ACIN1: variants seen among roughly 807,000 people sequenced by gnomAD.
The protein encoded by ACIN1 is apoptotic chromatin condensation inducer in the nucleus.
ACIN1 carries 16 observed loss-of-function variants against 146.6 expected under a neutral mutation model. The observed-to-expected ratio is 0.11, with a 90% confidence interval of 0.07 to 0.17. The LOEUF (loss-of-function observed/expected upper bound fraction) is 0.17, where lower values mean the gene tolerates loss of function less well. Ranked by LOEUF, ACIN1 falls within the 10% of genes least tolerant of loss-of-function variation. The pLI is 1.00. For missense variants in ACIN1, 1,357 were observed against 1,609.3 expected, an observed-to-expected ratio of 0.84 and a Z score of 2.68; for synonymous variants, 569 against 582.7, an observed-to-expected ratio of 0.98 and a Z score of 0.34.
intron 3 of ACIN1, 29 bp downstream of exon 3, chr14:23,090,493 C>A: frequency 6.3e-7 from 1 of 1,596,522 alleles, no homozygotes; most frequent in Non-Finnish European, 8.6e-7. Flanking sequence ...ATGACGAACT[C>A]CTTGTTAAAA....
At chr14:23,086,226 A>G (rs919165380) in intron 4 of ACIN1, among the ~76,000 whole-genome samples, 3 of 152,266 alleles carry the variant, frequency 2.0e-5, no homozygotes, top group African/African-American at 7.2e-5. Flanking sequence ...TTCCGCATCC[A>G]GGTTTTAATA....
intron 4 of ACIN1, among the ~76,000 whole-genome samples, chr14:23,082,252 T>C (rs2047962809): frequency 6.6e-6 from 1 of 152,200 alleles, no homozygotes; most frequent in Non-Finnish European, 1.5e-5. Flanking sequence ...CTATTACTAC[T>C]ACTTTCTAAT....
In ACIN1 at chr14:23,058,688, G is replaced by C. The variant is rs1230021895; in HGVS notation, c.*460C>G. 1 of 170,860 alleles carries C rather than the reference G, an allele frequency of 5.9e-6. No individual in the cohort carries two copies. The highest frequency in any genetic ancestry group is 6.0e-5 in the Admixed American group (1 of 16,796). The allele number at this position is 170,860 out of a possible 1,614,324, so 10.6% of individuals were successfully genotyped here. On this transcript the variant is annotated 3_prime_UTR_variant, in exon 19 of 19. Transcript: ENST00000605057. Reference sequence around the variant, plus strand: ...ATAAAGTGGAACCTGTGGGAAAGAGGCAAGGGCTGCAGGACAGAAGAGACT... The same window carrying C: ...ATAAAGTGGAACCTGTGGGAAAGAGCCAAGGGCTGCAGGACAGAAGAGACT...
Position 23,078,893 on chromosome 14 carries a change from G to T in ACIN1, c.1934C>A (p.Ser645Tyr). Residue 645 changes from serine (S) to tyrosine (Y), a missense_variant, in exon 7 of 19, where the codon TCT becomes TAT. Coordinates refer to ENST00000605057, the MANE Select transcript of ACIN1 (RefSeq NM_001386863.1). ...PKERTSTSSS[S>Y]VQARRLSQPE... ...CTGACTCAGACGCCTTGCTTGGACA[G>T]AGGATGAGGAGGTGGAAGTCCTCTC... The T allele has an allele frequency of 6.2e-7, 1 of 1,614,074 alleles. No individual in the cohort carries two copies. The highest frequency in any genetic ancestry group is 8.5e-7 in the Non-Finnish European group (1 of 1,180,030).
intron 8 of ACIN1, among the ~76,000 whole-genome samples, chr14:23,073,993 TA>T (rs1395381595): frequency 6.6e-6 from 1 of 151,390 alleles, no homozygotes; most frequent in Non-Finnish European, 1.5e-5. Context: ...CACCCTCCAT[TA>T]CACCCGGCTA....
At chr14:23,076,661 G>A (rs570875771) in intron 8 of ACIN1, 4 of 152,270 alleles carry the variant, frequency 2.6e-5, no homozygotes, top group East Asian at 1.9e-4. Context: ...AAGGTGCATC[G>A]GAAGCAGTTC....
Position 23,058,784 on chromosome 14 carries a change from C to G in ACIN1, c.*364G>C. ...CTCATAGGTGACCCAGTCCTGGCCCCGGCTGTTCCCAAGAGAAGGCTGTAA... is the reference window on the plus strand; with the variant it reads ...CTCATAGGTGACCCAGTCCTGGCCCGGGCTGTTCCCAAGAGAAGGCTGTAA... On this transcript the variant is annotated 3_prime_UTR_variant, in exon 19 of 19. Coordinates refer to ENST00000605057, the MANE Select transcript of ACIN1 (RefSeq NM_001386863.1). 1 of 291,410 alleles carries G rather than the reference C, an allele frequency of 3.4e-6. No homozygotes were observed. The highest frequency in any genetic ancestry group is 6.5e-6 in the Non-Finnish European group (1 of 153,830). The allele number at this position is 291,410 out of a possible 1,614,324, so 18.1% of individuals were successfully genotyped here.
intron 1 of ACIN1, among the ~76,000 whole-genome samples, chr14:23,093,946 G>A (rs1235889734): frequency 6.6e-6 from 1 of 152,018 alleles, no homozygotes; most frequent in African/African-American, 2.4e-5. Flanking sequence ...TTTGCCTGAC[G>A]GAATTACTTG....
At position 23,090,679 on chromosome 14, in the gene ACIN1, G is replaced by C. The variant is rs182924716; in HGVS notation, c.205-46C>G. The C allele has an allele frequency of 5.5e-6, 8 of 1,464,404 alleles. No homozygotes were observed. In the Admixed American group the frequency reaches 1.2e-4, roughly 23 times the overall value. The allele number at this position is 1,464,404 out of a possible 1,614,324, so 90.7% of individuals were successfully genotyped here. ...CAGAGGGTCTAGGAAAACAAACCAG[G>C]AGAATGCAAAGAAGAACATTCCATG... On this transcript the variant is annotated intron_variant, in intron 2 of 18. Transcript: ENST00000605057.
At chr14:23,073,212 C>T (rs1031122979) in intron 8 of ACIN1, among the ~76,000 whole-genome samples, 2 of 152,174 alleles carry the variant, frequency 1.3e-5, no homozygotes, top group Non-Finnish European at 2.9e-5. Context: ...CTTTATCTGC[C>T]CCCCATCTCT....
At chr14:23,066,135 CAGAG>C (rs2047448554) in intron 9 of ACIN1, 127 bp from the exon 10 acceptor site, 2 of 699,188 alleles carry the variant, frequency 2.9e-6, no homozygotes, top group African/African-American at 1.8e-5. Context: ...GAGAGAGAGA[CAGAG>C]AGAGACACAG....
rs2047520475 is a variant in ACIN1 at position 23,068,294 on chromosome 14, A to C, written c.2265+1182T>G. The stretch of plus-strand genomic sequence containing the variant: ...GGATCCCAACAGTCTGTAGCAAACA[A>C]GGCAACCCACAGTCCTCAAAAGGGC... On this transcript the variant is annotated intron_variant, in intron 9 of 18. Coordinates refer to ENST00000605057, the MANE Select transcript of ACIN1 (RefSeq NM_001386863.1). This position sits in a 1 kb window ranked among gnomAD's most constrained non-coding sequence, Gnocchi z 4.3. 1 of 985,840 alleles carries C rather than the reference A, an allele frequency of 1.0e-6. No individual in the cohort carries two copies. The highest frequency in any genetic ancestry group is 6.1e-5 in the Admixed American group (1 of 16,274). 61.1% of individuals were successfully genotyped at this position (985,840 alleles called of 1,614,324 possible).
intron 14 of ACIN1, 138 bp downstream of exon 14, chr14:23,062,791 A>G: frequency 9.0e-7 from 1 of 1,111,956 alleles, no homozygotes; most frequent in Non-Finnish European, 1.3e-6. Context: ...TAAATATGTT[A>G]AGTAACTCAC....
intron 16 of ACIN1, 82 bp downstream of exon 16, chr14:23,062,086 G>A: frequency 8.6e-7 from 1 of 1,156,260 alleles, no homozygotes; most frequent in Non-Finnish European, 1.3e-6. Context: ...GAGACTGCAG[G>A]TCTGGCAAGG....
intron 8 of ACIN1, among the ~76,000 whole-genome samples, chr14:23,072,715 T>C (rs999689596): frequency 6.6e-6 from 1 of 152,204 alleles, no homozygotes; most frequent in Admixed American, 6.5e-5. Context: ...AATGAAATTT[T>C]CTCCCCGCTG....
intron 4 of ACIN1, among the ~76,000 whole-genome samples, chr14:23,088,566 C>T (rs1015151504): frequency 1.3e-5 from 2 of 152,150 alleles, no homozygotes; most frequent in East Asian, 1.9e-4. Context: ...CAAGTGTAGT[C>T]CATGAAGGAA....
At chr14:23,075,323 CTTTTTTT>C (rs11423392) in intron 8 of ACIN1, among the ~76,000 whole-genome samples, 4 of 133,348 alleles carry the variant, frequency 3.0e-5, no homozygotes, top group South Asian at 2.4e-4. Flanking sequence ...CTTTCTTCCC[CTTTTTTT>C]TTTTTTTTTT....
At chr14:23,094,344 T>C in intron 1 of ACIN1, 1 of 383,820 alleles carries the variant, frequency 2.6e-6, no homozygotes, top group Non-Finnish European at 3.6e-6. Flanking sequence ...CTCAAACCGA[T>C]TCAAAATCCC....
intron 4 of ACIN1, among the ~76,000 whole-genome samples, chr14:23,083,677 C>T (rs867359418): frequency 1.3e-5 from 2 of 151,932 alleles, no homozygotes; most frequent in African/African-American, 2.4e-5. Flanking sequence ...TGCAGTGAGT[C>T]GAGATCGCGC....
Sources: gnomAD v4.1 joint callset for allele counts (sites outside exome capture counted in the v4.1 genomes callset) on GRCh38, gnomAD v4.1.1 for gene constraint, Gnocchi (gnomAD v3.1) non-coding constraint, MANE v1.5 for transcripts, NCBI Gene and HGNC (gene_info 2026-07-23, HGNC 2026-07-21) for gene names.